Variants in CDCA2 observed in about 807,000 individuals in gnomAD.
CDCA2 encodes cell division cycle associated 2, also known as cell division cycle-associated protein 2.
A neutral mutation model predicts 67.0 loss-of-function variants in CDCA2; 44 were observed. The ratio of observed to expected loss-of-function variants is 0.66; its 90% CI spans 0.52 to 0.84. CDCA2 has a LOEUF of 0.84. CDCA2 is among the 40% of genes least tolerant of loss of function. The pLI, the probability that CDCA2 is intolerant of heterozygous loss-of-function variation, is 0.00. For synonymous variants in CDCA2, 447 were observed against 418.7 expected (o/e 1.07, Z -0.82); for missense variants, 1,253 against 1,203.2 (o/e 1.04, Z -0.61).
chr8:25,502,705 A>C (rs1804525751), intron 13 of CDCA2, among the ~76,000 whole-genome samples: 1 of 152,030 alleles, frequency 6.6e-6, no homozygotes, highest in Non-Finnish European at 1.5e-5. Context: ...GAGTCATCAC[A>C]ACTGTGCGTC....
At chr8:25,504,037 C>CA (rs890554653) in intron 14 of CDCA2, among the ~76,000 whole-genome samples, 1 of 151,258 alleles carries the variant, frequency 6.6e-6, no homozygotes, top group African/African-American at 2.4e-5. Context: ...AAAAAAGGAA[C>CA]AAAAAAAGTC....
intron 6 of CDCA2, 128 bp downstream of exon 6, chr8:25,468,541 G>GTGTA (rs1803020758): frequency 7.8e-6 from 4 of 509,968 alleles, no homozygotes; most frequent in Non-Finnish European, 1.4e-5. Flanking sequence ...GGGTGTGTGT[G>GTGTA]TGTGTGTGTG....
chr8:25,483,880 T>A (rs1256336868), intron 9 of CDCA2, 86 bp from the exon 10 acceptor site: 1 of 1,164,048 alleles, frequency 8.6e-7, no homozygotes, highest in Non-Finnish European at 1.2e-6. Flanking sequence ...CTGAATATTA[T>A]CACATTAAAA....
At chr8:25,494,836 G>A (rs1804150640) in intron 13 of CDCA2, among the ~76,000 whole-genome samples, 1 of 152,150 alleles carries the variant, frequency 6.6e-6, no homozygotes. Context: ...GTTCTTATAA[G>A]AGGAGGAAAT....
intron 13 of CDCA2, among the ~76,000 whole-genome samples, chr8:25,499,970 A>G (rs1804407347): frequency 6.6e-6 from 1 of 152,242 alleles, no homozygotes; most frequent in South Asian, 2.1e-4. Flanking sequence ...GACTAAGATC[A>G]GCTCTGCCAG....
chr8:25,459,282 G>A lies in CDCA2; in HGVS notation c.-192G>A, dbSNP rs1277464379. On this transcript the variant is annotated 5_prime_UTR_variant, in exon 1 of 15. Transcript: ENST00000330560. ...AGGCCAGGATCAGCGCAGGCTGTGA[G>A]TCCAGGTCAGCCGTCGGGACCTCGG... The A allele has an allele frequency of 6.6e-6, 1 of 152,422 alleles. No individual in the cohort carries two copies. The highest frequency in any genetic ancestry group is 1.5e-5 in the Non-Finnish European group (1 of 68,216). The allele number at this position is 152,422 out of a possible 1,614,324, so 9.4% of individuals were successfully genotyped here.
In CDCA2 at chr8:25,475,991, T is replaced by G. The variant is rs150610118; in HGVS notation, c.821-3922T>G. On this transcript the variant is annotated intron_variant, in intron 7 of 14. Coordinates refer to ENST00000330560, the MANE Select transcript of CDCA2 (RefSeq NM_152562.4). ...CACTCACTCTTCCCACTGTAGAAAC[T>G]GTGGGTCCAGGGGAATTCTCTGTGT... 7.9e-3 allele frequency among the ~76,000 whole-genome samples: 1,198 copies of G among 152,286 alleles called. 5 individuals are homozygous for G. Among genetic ancestry groups the G allele is most frequent in the Admixed American group, 0.013 (201 of 15,300 alleles).
intron 7 of CDCA2, among the ~76,000 whole-genome samples, chr8:25,473,323 C>T (rs909730813): frequency 3.3e-5 from 5 of 152,132 alleles, no homozygotes; most frequent in African/African-American, 9.7e-5. Context: ...TCCTTTATTG[C>T]GTTGAAGAAC....
intron 13 of CDCA2, among the ~76,000 whole-genome samples, chr8:25,495,928 A>G (rs1804205319): frequency 6.6e-6 from 1 of 152,218 alleles, no homozygotes; most frequent in Admixed American, 6.5e-5. Context: ...AATTGGAAAT[A>G]AGAGTAGAAA....
chr8:25,492,816 A>G (rs1253173399), intron 13 of CDCA2, among the ~76,000 whole-genome samples: 1 of 152,230 alleles, frequency 6.6e-6, no homozygotes, highest in Non-Finnish European at 1.5e-5. Flanking sequence ...TAATGATAGG[A>G]AAATGTAGTT....
Position 25,484,076 on chromosome 8 carries a change from A to G in CDCA2, c.1231A>G (p.Asn411Asp), listed in dbSNP as rs143591039. ...AGTGTTTGATGAATCTTTGCCAGCAAATACTCCATTGCGTAAAGGAGGAAC... is the reference window on the plus strand; with the variant it reads ...AGTGTTTGATGAATCTTTGCCAGCAGATACTCCATTGCGTAAAGGAGGAAC... ...PEVFDESLPA[N>D]TPLRKGGTPV... Residue 411 changes from asparagine (N) to aspartate (D), a missense_variant, in exon 10 of 15, where the codon AAT becomes GAT. By Grantham distance (23) the Asn-to-Asp change is conservative. Coordinates refer to ENST00000330560, the MANE Select transcript of CDCA2 (RefSeq NM_152562.4). 1.5e-4 allele frequency: 250 copies of G among 1,614,066 alleles called. No individual in the cohort carries two copies. The highest frequency in any genetic ancestry group is 2.0e-4 in the Non-Finnish European group (241 of 1,180,042).
At chr8:25,500,790 A>AT (rs1804442926) in intron 13 of CDCA2, among the ~76,000 whole-genome samples, 3 of 152,168 alleles carry the variant, frequency 2.0e-5, no homozygotes, top group African/African-American at 7.2e-5. Flanking sequence ...GCTCTATCAC[A>AT]TGTCAACTCA....
intron 7 of CDCA2, among the ~76,000 whole-genome samples, chr8:25,474,023 A>T (rs903026463): frequency 1.3e-5 from 2 of 152,220 alleles, no homozygotes; most frequent in Admixed American, 6.5e-5. Flanking sequence ...TTTCACAATG[A>T]TCTGGTTAAG....
intron 1 of CDCA2, 24 bp downstream of exon 1, chr8:25,459,497 C>T (rs761439267): frequency 4.6e-5 from 7 of 152,388 alleles, no homozygotes; most frequent in Admixed American, 1.3e-4. Flanking sequence ...CGCGCTGCCA[C>T]GGGGCTGTTT....
At chr8:25,471,873 C>A (rs978940938) in intron 7 of CDCA2, among the ~76,000 whole-genome samples, 17 of 152,170 alleles carry the variant, frequency 1.1e-4, no homozygotes, top group African/African-American at 4.1e-4. Context: ...TGTAATTAAA[C>A]AGGGAAGAAT....
chr8:25,485,197 TAATAATAATAATAAAG>T (rs947375023), intron 10 of CDCA2, among the ~76,000 whole-genome samples: 10 of 96,452 alleles, frequency 1.0e-4, no homozygotes, highest in Non-Finnish European at 2.3e-4. Context: ...ATAATAATAA[TAATAATAATAATAAAG>T]AAAAAGCATT....
intron 13 of CDCA2, among the ~76,000 whole-genome samples, chr8:25,501,499 C>T (rs571339345): frequency 6.6e-6 from 1 of 152,352 alleles, no homozygotes; most frequent in East Asian, 1.9e-4. Flanking sequence ...ATCCACGGGC[C>T]GGGCCATGTC....
rs755206509 is a variant in CDCA2, at chr8:25,460,377, G to A, written c.62-7G>A. The A allele has an allele frequency of 6.2e-7, 1 of 1,614,160 alleles. No homozygotes were observed. The highest frequency in any genetic ancestry group is 1.3e-5 in the African/African-American group (1 of 75,046). On this transcript the variant is annotated splice_region_variant and splice_polypyrimidine_tract_variant and intron_variant, in intron 2 of 14. Transcript: ENST00000330560. ...TCCTCACCCCTACAATATGTCGTCC[G>A]TTTCAGGAAATGCCTCTTTCATTTT...
chr8:25,479,104 C>T (rs1435079347), intron 7 of CDCA2, among the ~76,000 whole-genome samples: 2 of 152,178 alleles, frequency 1.3e-5, no homozygotes, highest in East Asian at 3.9e-4. Context: ...ACCAGTTTTA[C>T]ATGCACATAC....
Sources: allele counts gnomAD v4.1 joint callset (sites outside exome capture counted in the v4.1 genomes callset), GRCh38; gene constraint gnomAD v4.1.1; transcripts MANE v1.5; gene names NCBI Gene and HGNC (gene_info 2026-07-23, HGNC 2026-07-21).